BCKDHB: variants seen among roughly 807,000 people sequenced by gnomAD.
BCKDHB encodes the protein branched chain keto acid dehydrogenase E1 subunit beta.
BCKDHB carries 41 observed loss-of-function variants against 48.5 expected under a neutral mutation model. The observed-to-expected ratio is 0.85, with a 90% confidence interval of 0.66 to 1.10. The LOEUF is 1.10. Ranked by LOEUF, BCKDHB falls within the 50% of genes least tolerant of loss-of-function variation. The pLI is 0.00. For missense variants in BCKDHB, 496 were observed against 494.2 expected, an observed-to-expected ratio of 1.00 and a Z score of -0.03; for synonymous variants, 201 against 174.8, an observed-to-expected ratio of 1.15 and a Z score of -1.18.
In BCKDHB at chr6:80,344,444, C is replaced by G. The variant is rs1017424984; in HGVS notation, c.*640C>G. ...CATGGCAACCTCTGCCTCCCAGGTT[C>G]AAGCGATTGTCCTGCCTCAGTCTCC... On this transcript the variant is annotated 3_prime_UTR_variant, in exon 10 of 10. Transcript: ENST00000320393. The G allele has an allele frequency of 1.3e-5, 2 of 155,642 alleles. No homozygotes were observed. Among genetic ancestry groups the G allele is most frequent in the African/African-American group, 4.9e-5 (2 of 41,066 alleles). The allele number at this position is 155,642 out of a possible 1,614,324, so 9.6% of individuals were successfully genotyped here. A position where few individuals can be genotyped will look rare whatever the true frequency, so the allele number is the denominator to read the frequency against.
chr6:80,430,173 A>G, the BCKDHB span, among the ~76,000 whole-genome samples: 1 of 152,140 alleles, frequency 6.6e-6, no homozygotes, highest in Non-Finnish European at 1.5e-5. Flanking sequence ...ACGGTTATTG[A>G]TTTGCATATG....
chr6:80,288,070 T>C (rs1285120951), intron 9 of BCKDHB, among the ~76,000 whole-genome samples: 1 of 151,794 alleles, frequency 6.6e-6, no homozygotes, highest in Non-Finnish European at 1.5e-5. Context: ...ATAATATCAA[T>C]GATTCCTAAA....
At chr6:80,250,292 A>G (rs1194613338) in intron 8 of BCKDHB, among the ~76,000 whole-genome samples, 1 of 152,172 alleles carries the variant, frequency 6.6e-6, no homozygotes, top group African/African-American at 2.4e-5. Context: ...CTAACTCTCA[A>G]AAAATTGTGG....
At chr6:80,392,777 A>G in the BCKDHB span, among the ~76,000 whole-genome samples, 6 of 151,480 alleles carry the variant, frequency 4.0e-5, no homozygotes, top group Non-Finnish European at 7.4e-5. Flanking sequence ...GTGACAGCCT[A>G]TAACAAAGAA....
At chr6:80,385,928 T>G in the BCKDHB span, among the ~76,000 whole-genome samples, 1 of 152,222 alleles carries the variant, frequency 6.6e-6, no homozygotes, top group Non-Finnish European at 1.5e-5. Flanking sequence ...GCATTTAATG[T>G]TGCAGCTTGG....
the BCKDHB span, among the ~76,000 whole-genome samples, chr6:80,397,940 C>G: frequency 6.6e-6 from 1 of 152,048 alleles, no homozygotes; most frequent in Non-Finnish European, 1.5e-5. Context: ...GAAAACCATG[C>G]AAGTACATGG....
the BCKDHB span, among the ~76,000 whole-genome samples, chr6:80,352,239 A>G: frequency 6.6e-6 from 1 of 151,798 alleles, no homozygotes; most frequent in Non-Finnish European, 1.5e-5. Flanking sequence ...TCTGCGTCCA[A>G]AATGCTGGGA....
At chr6:80,128,436 GTTTATGAGACTAGCA>G (rs1770453638) in intron 2 of BCKDHB, among the ~76,000 whole-genome samples, 8 of 152,094 alleles carry the variant, frequency 5.3e-5, no homozygotes, top group Non-Finnish European at 1.0e-4. Context: ...GGTTAGGTAC[GTTTATGAGACTAGCA>G]TTCAGCTCTA....
chr6:80,273,287 TA>T, intron 9 of BCKDHB, 66 bp downstream of exon 9: 2 of 1,295,890 alleles, frequency 1.5e-6, no homozygotes, highest in African/African-American at 1.5e-5. Flanking sequence ...CAGAAGAAAA[TA>T]AATTACTTAT....
intron 9 of BCKDHB, among the ~76,000 whole-genome samples, chr6:80,288,292 A>C (rs1368350949): frequency 6.6e-6 from 1 of 151,652 alleles, no homozygotes; most frequent in Admixed American, 6.6e-5. Flanking sequence ...TTACACTGTT[A>C]TTTAATAGTG....
At chr6:80,212,763 A>T (rs1344718261) in intron 8 of BCKDHB, among the ~76,000 whole-genome samples, 2 of 152,168 alleles carry the variant, frequency 1.3e-5, no homozygotes, top group African/African-American at 4.8e-5. Context: ...TGGCCCCTCC[A>T]TTCGGGTTCC....
At chr6:80,460,651 T>C in the BCKDHB span, among the ~76,000 whole-genome samples, 3 of 152,142 alleles carry the variant, frequency 2.0e-5, no homozygotes, top group African/African-American at 7.2e-5. Flanking sequence ...TATATTTCAG[T>C]TATGAATAAT....
At chr6:80,399,446 C>G in the BCKDHB span, among the ~76,000 whole-genome samples, 1 of 152,162 alleles carries the variant, frequency 6.6e-6, no homozygotes, top group Non-Finnish European at 1.5e-5. Flanking sequence ...CATTTCTAAA[C>G]AAACACAAGA....
chr6:80,307,947 TA>T, intron 9 of BCKDHB: 1 of 962,266 alleles, frequency 1.0e-6, no homozygotes, highest in Non-Finnish European at 1.2e-6. Context: ...TTATTCAATT[TA>T]ATCTAGCAAA....
chr6:80,110,037 T>G (rs1356107840), intron 1 of BCKDHB, among the ~76,000 whole-genome samples: 1 of 152,246 alleles, frequency 6.6e-6, no homozygotes, highest in Non-Finnish European at 1.5e-5. Flanking sequence ...GCAAATACTT[T>G]TCACTCTTTT....
intron 8 of BCKDHB, among the ~76,000 whole-genome samples, chr6:80,259,761 A>G (rs1029120408): frequency 1.3e-5 from 2 of 152,234 alleles, no homozygotes; most frequent in African/African-American, 4.8e-5. Context: ...ACCAATTTAT[A>G]TGCTTAATAA....
At chr6:80,128,696 A>G (rs1156250181) in intron 2 of BCKDHB, among the ~76,000 whole-genome samples, 3 of 152,110 alleles carry the variant, frequency 2.0e-5, no homozygotes, top group Non-Finnish European at 2.9e-5. Flanking sequence ...TTCTGCCTCT[A>G]GCTTTCTGAC....
chr6:80,232,631 A>G (rs1262546008), intron 8 of BCKDHB, among the ~76,000 whole-genome samples: 3 of 148,992 alleles, frequency 2.0e-5, no homozygotes, highest in Non-Finnish European at 4.4e-5. Context: ...TCCTTATGGT[A>G]TGGTTACTAT....
At chr6:80,254,577 T>G (rs1377551291) in intron 8 of BCKDHB, among the ~76,000 whole-genome samples, 1 of 151,990 alleles carries the variant, frequency 6.6e-6, no homozygotes, top group African/African-American at 2.4e-5. Context: ...AAGTCCACCT[T>G]TGGTCCCATC....
Sources: gnomAD v4.1 joint callset for allele counts (sites outside exome capture counted in the v4.1 genomes callset) on GRCh38, gnomAD v4.1.1 for gene constraint, MANE v1.5 for transcripts, NCBI Gene and HGNC (gene_info 2026-07-23, HGNC 2026-07-21) for gene names.